ENTREP2: variants seen among roughly 807,000 people sequenced by gnomAD.
ENTREP2 encodes the protein endosomal transmembrane epsin interactor 2.
chr15:29,124,755 G>C, the ENTREP2 span: 3 of 1,550,494 alleles, frequency 1.9e-6, no homozygotes, highest in Admixed American at 2.0e-5. Context: ...GTGTGAAGAG[G>C]CATCGCCTTA....
At chr15:29,480,413 G>T in the ENTREP2 span, among the ~76,000 whole-genome samples, 1 of 144,226 alleles carries the variant, frequency 6.9e-6, no homozygotes, top group Non-Finnish European at 1.5e-5. Flanking sequence ...GTCCTAAGGA[G>T]ATAGCTTCCC....
At chr15:29,494,072 C>T in the ENTREP2 span, among the ~76,000 whole-genome samples, 1 of 151,972 alleles carries the variant, frequency 6.6e-6, no homozygotes, top group African/African-American at 2.4e-5. Context: ...CCAGCCAGCA[C>T]AATTAAGAAA....
the ENTREP2 span, among the ~76,000 whole-genome samples, chr15:29,631,706 C>T: frequency 6.6e-6 from 1 of 152,232 alleles, no homozygotes; most frequent in Non-Finnish European, 1.5e-5. Context: ...AGATCCTCTT[C>T]CCCATGTCTA....
the ENTREP2 span, among the ~76,000 whole-genome samples, chr15:29,383,805 C>T: frequency 6.6e-6 from 1 of 152,160 alleles, no homozygotes; most frequent in Non-Finnish European, 1.5e-5. Context: ...AAACATGAAC[C>T]AAAGCACGCA....
the ENTREP2 span, among the ~76,000 whole-genome samples, chr15:29,145,854 T>C: frequency 2.0e-5 from 3 of 152,016 alleles, no homozygotes; most frequent in East Asian, 1.9e-4. Context: ...ATGAAAGACA[T>C]CCAGAGTGAA....
the ENTREP2 span, among the ~76,000 whole-genome samples, chr15:29,383,520 G>A: frequency 2.5e-4 from 38 of 152,178 alleles, no homozygotes; most frequent in African/African-American, 7.7e-4. Flanking sequence ...AATTGCTCAC[G>A]CTTGCCACTG....
At chr15:29,159,319 T>C in the ENTREP2 span, among the ~76,000 whole-genome samples, 1 of 151,890 alleles carries the variant, frequency 6.6e-6, no homozygotes, top group East Asian at 1.9e-4. Flanking sequence ...GCTCCAGGAG[T>C]GAAGCTGCAG....
chr15:29,589,132 G>A, the ENTREP2 span, among the ~76,000 whole-genome samples: 4 of 152,280 alleles, frequency 2.6e-5, no homozygotes, highest in Admixed American at 1.3e-4. Context: ...GAAGGAAGAG[G>A]ATTGTCATTG....
the ENTREP2 span, among the ~76,000 whole-genome samples, chr15:29,322,601 G>A: frequency 3.3e-5 from 5 of 152,220 alleles, no homozygotes; most frequent in Non-Finnish European, 7.3e-5. Flanking sequence ...GACAGCTAAA[G>A]ATAAAAGGCC....
chr15:29,169,502 G>A, the ENTREP2 span, among the ~76,000 whole-genome samples: 1 of 152,178 alleles, frequency 6.6e-6, no homozygotes, highest in Admixed American at 6.5e-5. Context: ...GTGAAAAGAA[G>A]AGAGGAAAAT....
the ENTREP2 span, among the ~76,000 whole-genome samples, chr15:29,651,041 G>C: frequency 6.6e-6 from 1 of 152,066 alleles, no homozygotes; most frequent in Non-Finnish European, 1.5e-5. Flanking sequence ...AATAAAACTG[G>C]TTAAGTTATC....
the ENTREP2 span, among the ~76,000 whole-genome samples, chr15:29,503,984 T>C: frequency 6.6e-6 from 1 of 152,222 alleles, no homozygotes; most frequent in Non-Finnish European, 1.5e-5. Flanking sequence ...CCACTGGAGA[T>C]ACCTTTTCAC....
chr15:29,600,408 A>G, the ENTREP2 span, among the ~76,000 whole-genome samples: 6 of 151,780 alleles, frequency 4.0e-5, no homozygotes, highest in Non-Finnish European at 7.4e-5. Context: ...TCCAAATTGG[A>G]AACTCCAAAG....
At chr15:29,509,499 A>G in the ENTREP2 span, among the ~76,000 whole-genome samples, 1 of 152,222 alleles carries the variant, frequency 6.6e-6, no homozygotes, top group East Asian at 1.9e-4. Flanking sequence ...CCTGACTTCA[A>G]ACTATACTAC....
At chr15:29,427,676 A>G in the ENTREP2 span, among the ~76,000 whole-genome samples, 17,496 of 151,930 alleles carry the variant, frequency 0.12, 1,164 homozygotes, top group East Asian at 0.31. Context: ...ACTACCTTGA[A>G]CCCATTCAGA....
chr15:29,289,150 C>T, the ENTREP2 span, among the ~76,000 whole-genome samples: 16 of 149,266 alleles, frequency 1.1e-4, no homozygotes, highest in Middle Eastern at 3.4e-3. Flanking sequence ...GAGGTTGCAG[C>T]GAGCCAAGAT....
chr15:29,326,767 G>A, the ENTREP2 span, among the ~76,000 whole-genome samples: 1 of 151,866 alleles, frequency 6.6e-6, no homozygotes, highest in South Asian at 2.1e-4. Flanking sequence ...TGCTAAAGGA[G>A]AAGAAAAAAG....
At chr15:29,670,034 C>T in the ENTREP2 span, among the ~76,000 whole-genome samples, 1 of 152,178 alleles carries the variant, frequency 6.6e-6, no homozygotes, top group Non-Finnish European at 1.5e-5. Context: ...CATTCCGAAG[C>T]CATGTCAGCT....
the ENTREP2 span, among the ~76,000 whole-genome samples, chr15:29,171,322 G>A: frequency 6.6e-6 from 1 of 152,144 alleles, no homozygotes; most frequent in South Asian, 2.1e-4. Flanking sequence ...AGGTCCAGCT[G>A]TCCTGAGCAG....
Sources: gnomAD v4.1 joint callset for allele counts (sites outside exome capture counted in the v4.1 genomes callset) on GRCh38, gnomAD v4.1.1 for gene constraint, MANE v1.5 for transcripts, NCBI Gene and HGNC (gene_info 2026-07-23, HGNC 2026-07-21) for gene names.